KRAS: variants seen among roughly 807,000 people sequenced by gnomAD.
KRAS encodes the protein GTPase KRas.
Under a neutral mutation model 21.0 loss-of-function variants are expected in KRAS, and 1 was observed. The ratio of observed to expected loss-of-function variants is 0.05; its 90% CI spans 0.02 to 0.23. KRAS has a LOEUF of 0.23. Among genes scored for constraint, KRAS ranks in the 10% least tolerant of loss-of-function variants. The pLI is 1.00. For missense variants in KRAS, 107 were observed against 221.8 expected (o/e 0.48, Z 3.29); for synonymous variants, 67 against 72.5 (o/e 0.92, Z 0.39).
At chr12:25,240,985 G>C (rs1951603018) in intron 2 of KRAS, among the ~76,000 whole-genome samples, 2 of 152,096 alleles carry the variant, frequency 1.3e-5, no homozygotes, top group South Asian at 4.1e-4. Flanking sequence ...ATCATCCCCT[G>C]TAACACACCA....
At chr12:25,234,335 A>G (rs1315805685) in intron 2 of KRAS, 1 of 180,404 alleles carries the variant, frequency 5.5e-6, no homozygotes, top group Non-Finnish European at 1.2e-5. Context: ...GAAAAAAGAA[A>G]GAGCTAAATC....
intron 4 of KRAS, among the ~76,000 whole-genome samples, chr12:25,212,972 C>T (rs1951214452): frequency 6.6e-6 from 1 of 152,062 alleles, no homozygotes; most frequent in African/African-American, 2.4e-5. Flanking sequence ...CATCATAGCT[C>T]CCTTCAACCT....
chr12:25,248,570 T>C (rs1951718510), intron 1 of KRAS, among the ~76,000 whole-genome samples: 1 of 150,028 alleles, frequency 6.7e-6, no homozygotes, highest in Non-Finnish European at 1.5e-5. Context: ...GCCACATGTA[T>C]CTTCCGGTTT....
intron 4 of KRAS, chr12:25,215,140 C>T: frequency 2.6e-6 from 1 of 380,344 alleles, no homozygotes; most frequent in Non-Finnish European, 3.5e-6. Flanking sequence ...CAAAACTTTT[C>T]CCTTAAAAAT....
At chr12:25,230,407 T>A (rs1415609541) in intron 2 of KRAS, among the ~76,000 whole-genome samples, 2 of 152,166 alleles carry the variant, frequency 1.3e-5, no homozygotes, top group African/African-American at 4.8e-5. Context: ...GGTGGGCAGA[T>A]CACCTGAGGT....
rs188030250 is a variant in KRAS at position 25,236,151 on chromosome 12, T to G, written c.112-8739A>C. 3.2e-4 allele frequency among the ~76,000 whole-genome samples: 49 copies of G among 152,086 alleles called. 1 individual carries two copies. The East Asian group carries it at 7.5e-3, about 23-fold the overall frequency. On this transcript the variant is annotated intron_variant, in intron 2 of 4. Coordinates refer to ENST00000311936, the MANE Select transcript of KRAS (RefSeq NM_004985.5). Reference sequence around the variant, plus strand: ...TAGAATAAGCACCAAGAAGTGAAACTGGACAATCAAGCAGGGGCCAGCTTA... The same window carrying G: ...TAGAATAAGCACCAAGAAGTGAAACGGGACAATCAAGCAGGGGCCAGCTTA...
chr12:25,250,065 T>C (rs780245820), intron 1 of KRAS, among the ~76,000 whole-genome samples: 11 of 152,070 alleles, frequency 7.2e-5, no homozygotes, highest in Non-Finnish European at 1.3e-4. Flanking sequence ...AGCCCATACA[T>C]GGGGGAGGGG....
intron 2 of KRAS, among the ~76,000 whole-genome samples, chr12:25,237,087 A>C (rs1248354976): frequency 6.6e-6 from 1 of 152,244 alleles, no homozygotes; most frequent in African/African-American, 2.4e-5. Flanking sequence ...ATGATCAACA[A>C]GCAAAAACAT....
intron 1 of KRAS, 114 bp from the exon 2 acceptor site, chr12:25,245,509 A>G (rs888082515): frequency 1.9e-6 from 2 of 1,071,870 alleles, no homozygotes; most frequent in Non-Finnish European, 2.7e-6. Context: ...TTTATATGAA[A>G]AATTATTTCA....
intron 1 of KRAS, among the ~76,000 whole-genome samples, chr12:25,246,355 C>A (rs61759631): frequency 0.016 from 2,375 of 152,136 alleles, 46 homozygotes; most frequent in Middle Eastern, 0.071. Context: ...GCCAGGAGTT[C>A]AAGACCAGCC....
At chr12:25,237,289 A>T (rs1565888810) in intron 2 of KRAS, among the ~76,000 whole-genome samples, 1 of 152,144 alleles carries the variant, frequency 6.6e-6, no homozygotes, top group Non-Finnish European at 1.5e-5. Context: ...TTGGGGTGAT[A>T]ATAACATTCT....
intron 2 of KRAS, among the ~76,000 whole-genome samples, chr12:25,241,643 G>A (rs1351254801): frequency 6.6e-6 from 1 of 152,154 alleles, no homozygotes; most frequent in Non-Finnish European, 1.5e-5. Flanking sequence ...CACCATTGAG[G>A]TTTGGGGTCA....
At chr12:25,211,056 A>C (rs534204141) in intron 4 of KRAS, 1 of 152,280 alleles carries the variant, frequency 6.6e-6, no homozygotes, top group African/African-American at 2.4e-5. Flanking sequence ...TAAAAAGAAA[A>C]TCTGTTAACC....
chr12:25,248,767 T>C (rs7315339), intron 1 of KRAS, among the ~76,000 whole-genome samples: 35,242 of 151,900 alleles, frequency 0.23, 4,342 homozygotes, highest in Middle Eastern at 0.29. Context: ...TGGACTGGAC[T>C]CGAATCCAAC....
At chr12:25,249,907 G>A (rs745439418) in intron 1 of KRAS, among the ~76,000 whole-genome samples, 10 of 152,122 alleles carry the variant, frequency 6.6e-5, no homozygotes, top group Non-Finnish European at 1.5e-4. Flanking sequence ...GTTTTCTTCG[G>A]GTTTAACTTG....
chr12:25,250,418 C>T (rs1467997096), intron 1 of KRAS, among the ~76,000 whole-genome samples: 1 of 152,028 alleles, frequency 6.6e-6, no homozygotes, highest in Non-Finnish European at 1.5e-5. Context: ...GCAGCCGGCC[C>T]GGCCCGAGTT....
At chr12:25,244,840 G>C (rs952434957) in intron 2 of KRAS, among the ~76,000 whole-genome samples, 3 of 152,010 alleles carry the variant, frequency 2.0e-5, no homozygotes, top group Non-Finnish European at 4.4e-5. Flanking sequence ...TTGAGAAGAA[G>C]ATAGGAAAAT....
chr12:25,211,067 T>C (rs2141483020), intron 4 of KRAS: 1 of 152,266 alleles, frequency 6.6e-6, no homozygotes, highest in South Asian at 2.1e-4. Context: ...TCTGTTAACC[T>C]CACAATACTT....
At chr12:25,249,591 C>CAAA (rs71065929) in intron 1 of KRAS, among the ~76,000 whole-genome samples, 3 of 60,830 alleles carry the variant, frequency 4.9e-5, no homozygotes, top group South Asian at 8.2e-4. Flanking sequence ...GACTGTGTCT[C>CAAA]AAAAAAAAAA....
Sources: allele counts gnomAD v4.1 joint callset (sites outside exome capture counted in the v4.1 genomes callset), GRCh38; gene constraint gnomAD v4.1.1; transcripts MANE v1.5; gene names NCBI Gene and HGNC (gene_info 2026-07-23, HGNC 2026-07-21).